Variants in DOCK6 observed in about 807,000 individuals in gnomAD.
The protein encoded by DOCK6 is dedicator of cytokinesis 6, also known as dedicator of cytokinesis protein 6.
A neutral mutation model predicts 230.3 loss-of-function variants in DOCK6; 167 were observed. The observed-to-expected ratio is 0.73, with a 90% CI of 0.64 to 0.82. The LOEUF (loss-of-function observed/expected upper bound fraction) is 0.82, where lower values mean the gene tolerates loss of function less well. Among genes scored for constraint, DOCK6 ranks in the 40% least tolerant of loss-of-function variants. The pLI is 0.00. For missense variants in DOCK6, 2,598 were observed against 2,825.8 expected, an observed-to-expected ratio of 0.92 and a Z score of 1.83; for synonymous variants, 1,148 against 1,185.0, an observed-to-expected ratio of 0.97 and a Z score of 0.64.
chr19:11,238,320 T>C lies in DOCK6; in HGVS notation c.1644-16A>G, dbSNP rs753345680. The C allele has an allele frequency of 6.3e-7, 1 of 1,580,188 alleles. No homozygotes were observed. ...CAGCAGGTTCCTGTGGGGGGCAGGA[T>C]GGGGGTGTCAGAGGGACAGGGGCCC... On this transcript the variant is annotated splice_polypyrimidine_tract_variant and intron_variant, in intron 14 of 47. Transcript: ENST00000294618.
At chr19:11,203,922 A>C in intron 41 of DOCK6, 159 bp downstream of exon 41, 2 of 921,320 alleles carry the variant, frequency 2.2e-6, no homozygotes, top group Non-Finnish European at 3.3e-6. Context: ...TTTTTGGGGA[A>C]GGGAGGGAAA....
chr19:11,201,864 CGCCAGGCCCAGGAT>C lies in DOCK6; in HGVS notation c.5688+11_5688+24del. ...TGATGTCCCCTCACCTCCCCACCCC[CGCCAGGCCCAGGAT>C]CCCCACCCACCTCCTCCCGGTGGCA... On this transcript the variant is annotated intron_variant, in intron 44 of 47. Transcript: ENST00000294618. This position sits in a 1 kb window ranked among gnomAD's most constrained non-coding sequence, Gnocchi z 4.3. The C allele has an allele frequency of 2.0e-6, 3 of 1,529,934 alleles. No homozygotes were observed. The highest frequency in any genetic ancestry group is 1.2e-5 in the South Asian group (1 of 83,366). The allele number at this position is 1,529,934 out of a possible 1,614,324, so 94.8% of individuals were successfully genotyped here.
intron 32 of DOCK6, 99 bp from the exon 33 acceptor site, chr19:11,214,748 C>G: frequency 2.0e-6 from 2 of 1,024,530 alleles, no homozygotes; most frequent in Non-Finnish European, 1.5e-6. Context: ...GGCACTGGCT[C>G]CCTGGAAGCT....
chr19:11,228,911 G>T, intron 23 of DOCK6, 29 bp downstream of exon 23: 1 of 1,610,432 alleles, frequency 6.2e-7, no homozygotes, highest in South Asian at 1.1e-5. Context: ...GGGGTCTCTT[G>T]CCACCAGGCA....
intron 14 of DOCK6, among the ~76,000 whole-genome samples, chr19:11,241,272 C>T (rs1327030308): frequency 6.6e-6 from 1 of 151,936 alleles, no homozygotes; most frequent in Non-Finnish European, 1.5e-5. Context: ...ATGTTCATCA[C>T]CTCCCCATGA....
At chr19:11,217,771 AAAAG>A (rs2079517569) in intron 28 of DOCK6, among the ~76,000 whole-genome samples, 1 of 151,602 alleles carries the variant, frequency 6.6e-6, no homozygotes, top group Non-Finnish European at 1.5e-5. Context: ...AAAAAAAAAA[AAAAG>A]AAGTCTTCCC....
At chr19:11,213,761 A>G (rs2079433418) in intron 34 of DOCK6, among the ~76,000 whole-genome samples, 1 of 147,942 alleles carries the variant, frequency 6.8e-6, no homozygotes, top group South Asian at 2.2e-4. Flanking sequence ...AGTAGCTGGG[A>G]TCTCAGGTGG....
At chr19:11,216,122 C>G in intron 30 of DOCK6, 195 bp from the exon 31 acceptor site, 1 of 495,890 alleles carries the variant, frequency 2.0e-6, no homozygotes, top group South Asian at 2.6e-5. Flanking sequence ...GAGTCTCTCT[C>G]ATTCTGTCGC....
chr19:11,239,199 T>C (rs2079900180), intron 14 of DOCK6, among the ~76,000 whole-genome samples: 1 of 152,080 alleles, frequency 6.6e-6, no homozygotes, highest in Non-Finnish European at 1.5e-5. Flanking sequence ...CCTTGGATAC[T>C]AACCAGGCCA....
At chr19:11,247,411 T>C (rs964577886) in intron 7 of DOCK6, 1 of 152,440 alleles carries the variant, frequency 6.6e-6, no homozygotes, top group African/African-American at 2.4e-5. Flanking sequence ...GTTTGTTGAA[T>C]GACTGGATGA....
At chr19:11,258,633 A>G (rs1410555714) in intron 1 of DOCK6, among the ~76,000 whole-genome samples, 5 of 151,816 alleles carry the variant, frequency 3.3e-5, no homozygotes, top group Admixed American at 2.6e-4. Context: ...GGGTTTCACC[A>G]TGTTGGCCAA....
rs1012192758 is a variant in DOCK6, at chr19:11,243,312, G to A, written c.1332C>T (p.Cys444=). The change falls in exon 12 of 48, where the codon TGC becomes TGT. Residue 444 remains cysteine, a synonymous_variant. Coordinates refer to ENST00000294618, the MANE Select transcript of DOCK6 (RefSeq NM_020812.4). The surrounding 1 kb of genome is among the most constrained non-coding windows in gnomAD (Gnocchi z 6.3). ...TGGCTGGACGGAAGCCAGAGAAGCTGCAGGCGTCGTCCCCACTACTCGCCC... is the reference window on the plus strand; with the variant it reads ...TGGCTGGACGGAAGCCAGAGAAGCTACAGGCGTCGTCCCCACTACTCGCCC... ...QDRASSGDDA[C]SFSGFRPATL... The A allele has an allele frequency of 1.2e-6, 2 of 1,601,634 alleles. No homozygotes were observed. Among genetic ancestry groups the A allele is most frequent in the Admixed American group, 3.5e-5 (2 of 57,684 alleles).
chr19:11,216,976 G>T lies in DOCK6; in HGVS notation c.3832C>A (p.Leu1278Ile), dbSNP rs1229700949. The change falls in exon 30 of 48, where the codon CTC (leucine) becomes ATC (isoleucine). Residue 1278 changes from leucine (L) to isoleucine (I), a missense_variant. Leu to Ile is a conservative substitution (Grantham distance 5). Transcript: ENST00000294618. ...LLQRWATDLT[L>I]PQLGRLLDLL... ...TCCAACAGACGTCCCAGCTGGGGGA[G>T]TGTCAGGTCAGTGGCCCAGCGCTGC... 6.2e-7 allele frequency: 1 copy of T among 1,613,774 alleles called. No homozygotes were observed. The highest frequency in any genetic ancestry group is 1.7e-5 in the Admixed American group (1 of 60,022).
chr19:11,202,660 C>A lies in DOCK6; in HGVS notation c.5285G>T (p.Gly1762Val), dbSNP rs745918207. The A allele has an allele frequency of 4.3e-6, 7 of 1,613,884 alleles. No homozygotes were observed. The South Asian group carries it at 7.7e-5, about 18-fold the overall frequency. The change falls in exon 42 of 48, where the codon GGT becomes GTT. Residue 1762 changes from glycine (G) to valine (V), a missense_variant. Transcript: ENST00000294618. This position sits in a 1 kb window ranked among gnomAD's most constrained non-coding sequence, Gnocchi z 5.3. ...FRVGFYGAHF[G>V]DLDEQEFVYK... is the part of the protein sequence containing the mutation. ...CACAAACTCCTGCTCATCCAGGTCA[C>A]CGAAGTGGGCGCCGTAGAAGCCCAC...
intron 28 of DOCK6, among the ~76,000 whole-genome samples, chr19:11,219,629 A>G (rs1383200555): frequency 2.0e-5 from 3 of 151,702 alleles, no homozygotes; most frequent in African/African-American, 7.2e-5. Context: ...TCTCCTAAAA[A>G]TACAAAAAAA....
chr19:11,209,933 A>G (rs914344637), intron 37 of DOCK6, among the ~76,000 whole-genome samples: 2 of 83,816 alleles, frequency 2.4e-5, no homozygotes, highest in African/African-American at 9.8e-5. Context: ...TCACCTGTCT[A>G]TCCCCTTACC....
In DOCK6 at chr19:11,252,535, C is replaced by T. The variant is rs535880114; in HGVS notation, c.324G>A (p.Gln108=). The part of the protein sequence containing the change: ...GIPKDEKLDA[Q]VRAAVEMYIE... ...TATACATCTCCACCGCGGCCCTCAC[C>T]TGGGCATCCAGTTTTCTGCAGCAAA... Residue 108 remains glutamine, a synonymous_variant, in exon 4 of 48, where the codon CAG becomes CAA. Transcript: ENST00000294618. 1 of 1,613,938 alleles carries T rather than the reference C, an allele frequency of 6.2e-7. No homozygotes were observed. Among genetic ancestry groups the T allele is most frequent in the African/African-American group, 1.3e-5 (1 of 75,056 alleles).
chr19:11,231,565 G>C (rs1411454444), intron 22 of DOCK6, among the ~76,000 whole-genome samples: 1 of 152,202 alleles, frequency 6.6e-6, no homozygotes, highest in Non-Finnish European at 1.5e-5. Context: ...TCAAGCACAG[G>C]CTCAGGACTG....
intron 22 of DOCK6, 95 bp from the exon 23 acceptor site, chr19:11,229,130 C>T (rs1315389795): frequency 1.2e-5 from 16 of 1,355,888 alleles, no homozygotes; most frequent in South Asian, 4.0e-5. Context: ...CTGGAGGGCT[C>T]GGGGTTAGTG....
Sources: allele counts gnomAD v4.1 joint callset (sites outside exome capture counted in the v4.1 genomes callset), GRCh38; gene constraint gnomAD v4.1.1; non-coding constraint Gnocchi (gnomAD v3.1); transcripts MANE v1.5; gene names NCBI Gene and HGNC (gene_info 2026-07-23, HGNC 2026-07-21).